EML2: variants seen among roughly 807,000 people sequenced by gnomAD.
EML2 encodes EMAP like 2.
EML2 carries 59 observed loss-of-function variants against 84.7 expected under a neutral mutation model. The observed-to-expected ratio is 0.70, with a 90% CI of 0.56 to 0.86. The LOEUF is 0.86. EML2 is among the 40% of genes least tolerant of loss of function. EML2 has a pLI of 0.00. For missense variants in EML2, 818 were observed against 855.6 expected, an observed-to-expected ratio of 0.96 and a Z score of 0.55; for synonymous variants, 352 against 348.9, an observed-to-expected ratio of 1.01 and a Z score of -0.10.
rs1483297443 is a variant in EML2 at position 45,613,635 on chromosome 19, T to C, written c.1730A>G (p.Asn577Ser). Residue 577 changes from asparagine to serine, a missense_variant, in exon 18 of 19, where the codon AAC (asparagine) becomes AGC (serine). Transcript: ENST00000245925. ...WSEGADGTDI[N>S]AVARSHDGKL... ...CCCATCATGAGAGCGGGCCACAGCG[T>C]TGATATCAGTGCCGTCCGCCCCCTC... 3.1e-6 allele frequency: 5 copies of C among 1,613,934 alleles called. No homozygotes were observed. Among genetic ancestry groups the C allele is most frequent in the South Asian group, 1.1e-5 (1 of 91,082 alleles).
At chr19:45,642,627 T>C, upstream of EML2, 1 of 945,064 alleles carries the variant, frequency 1.1e-6, no homozygotes, top group South Asian at 2.8e-5. Flanking sequence ...TTTCTAAGAG[T>C]CTGTGAACCC....
rs767214099 is a variant in EML2, at chr19:45,615,833, G to T, written c.1566C>A (p.Val522=). The change falls in exon 16 of 19, where the codon GTC becomes GTA. Residue 522 remains valine, a synonymous_variant. Coordinates refer to ENST00000245925, the MANE Select transcript of EML2 (RefSeq NM_012155.4). ...LDWAQDSSCF[V]TNSGDYEILY... is the part of the protein sequence containing the mutation. ...GAATCTCATAGTCCCCGGAGTTGGTGACAAAGCAGCTGCTGTCCTGGGCCC... is the reference window on the plus strand; with the variant it reads ...GAATCTCATAGTCCCCGGAGTTGGTTACAAAGCAGCTGCTGTCCTGGGCCC... 6.2e-7 allele frequency: 1 copy of T among 1,614,004 alleles called. No individual in the cohort carries two copies. The highest frequency in any genetic ancestry group is 1.7e-5 in the Admixed American group (1 of 59,990).
chr19:45,635,179 C>T (rs1346910510), intron 3 of EML2, among the ~76,000 whole-genome samples: 2 of 151,862 alleles, frequency 1.3e-5, no homozygotes, highest in African/African-American at 4.8e-5. Flanking sequence ...GAGTCTGTCA[C>T]CCAGGCTGGA....
rs1490493429 is a variant in EML2, at chr19:45,618,108, G to A, written c.1255-411C>T. ...AGATGGAGTTTCACTCTGTTGCCCA[G>A]GCTGGAGTGCAGTGGCACGGTCTCA... On this transcript the variant is annotated intron_variant, in intron 12 of 18. Transcript: ENST00000245925. Among the ~76,000 whole-genome samples the A allele has an allele frequency of 2.0e-5, 3 of 151,996 alleles. No individual in the cohort carries two copies. In the East Asian group the frequency reaches 5.8e-4, roughly 29 times the overall value.
chr19:45,635,458 C>T (rs2122778452), intron 3 of EML2, among the ~76,000 whole-genome samples: 1 of 151,850 alleles, frequency 6.6e-6, no homozygotes, highest in Admixed American at 6.6e-5. Context: ...TATTTTGCAT[C>T]ACACACACTG....
At chr19:45,642,198 C>T, upstream of EML2, 1 of 1,533,708 alleles carries the variant, frequency 6.5e-7, no homozygotes, top group Middle Eastern at 1.7e-4. Context: ...CGCGTAGCGC[C>T]GCTCCCTGTT....
chr19:45,630,019 C>T lies in EML2; in HGVS notation c.538G>A (p.Asp180Asn). The change falls in exon 7 of 19, where the codon GAT becomes AAT. Residue 180 changes from aspartate (D) to asparagine (N), a missense_variant. Asp to Asn is a conservative substitution (Grantham distance 23, BLOSUM62 1). Transcript: ENST00000245925. Reference sequence around the variant, plus strand: ...GAGAGCATGTGATCATTGGATTCATCCACTGCACACAGCAGGTTGCCTCCA... The same window carrying T: ...GAGAGCATGTGATCATTGGATTCATTCACTGCACACAGCAGGTTGCCTCCA... ...SNGGNLLCAV[D>N]ESNDHMLSVW... is the part of the protein sequence containing the mutation. 2 of 1,613,142 alleles carry T rather than the reference C, an allele frequency of 1.2e-6. No homozygotes were observed. Among genetic ancestry groups the T allele is most frequent in the African/African-American group, 2.7e-5 (2 of 74,942 alleles).
In EML2 at chr19:45,613,580, GC is replaced by G. The variant is rs1279570750; in HGVS notation, c.1784del (p.Gly595AlafsTer27). ...AGGGGTAGCTAAACAGGTGAACTTTGCCAAAGTCATCAGCTGAAGCCAGCAA... is the reference window on the plus strand; with the variant it reads ...AGGGGTAGCTAAACAGGTGAACTTTGCAAAGTCATCAGCTGAAGCCAGCAA... The part of the protein sequence containing the change: ...GKLLASADDF[G>X]KVHLFSYPCC... On this transcript the variant is annotated frameshift_variant, in exon 18 of 19. Transcript: ENST00000245925. LOFTEE classifies it high-confidence loss of function. 2 of 1,614,064 alleles carry G rather than the reference GC, an allele frequency of 1.2e-6. No individual in the cohort carries two copies. The highest frequency in any genetic ancestry group is 8.5e-7 in the Non-Finnish European group (1 of 1,180,002).
chr19:45,641,497 C>T (rs1411187329), upstream of EML2: 3 of 755,586 alleles, frequency 4.0e-6, no homozygotes, highest in Non-Finnish European at 4.2e-6. Flanking sequence ...CAAGATTGGT[C>T]CCTCCAAGGC....
chr19:45,625,473 C>G (rs1243854671), intron 8 of EML2, among the ~76,000 whole-genome samples: 1 of 152,200 alleles, frequency 6.6e-6, no homozygotes, highest in East Asian at 1.9e-4. Context: ...AACTCCTGGC[C>G]TCAAGTGATC....
At chr19:45,613,467 A>T in intron 18 of EML2, 74 bp downstream of exon 18, 1 of 1,565,676 alleles carries the variant, frequency 6.4e-7, no homozygotes, top group Non-Finnish European at 8.7e-7. Context: ...GTGGGGTTGG[A>T]CCAGAGCTGC....
In EML2 at chr19:45,616,942, G is replaced by A. The variant is rs1971159298; in HGVS notation, c.1323-89C>T. On this transcript the variant is annotated intron_variant, in intron 13 of 18. Transcript: ENST00000245925. Reference sequence around the variant, plus strand: ...TCTGTGGGGTCTAAGGGAGGGATCAGAGGGACCCCAGAAGTGACCTGGGCT... The same window carrying A: ...TCTGTGGGGTCTAAGGGAGGGATCAAAGGGACCCCAGAAGTGACCTGGGCT... 5.0e-6 allele frequency: 5 copies of A among 994,476 alleles called. No individual in the cohort carries two copies. In the South Asian group the frequency reaches 6.8e-5, roughly 13 times the overall value. 61.6% of individuals were successfully genotyped at this position (994,476 alleles called of 1,614,324 possible). A position where few individuals can be genotyped will look rare whatever the true frequency, so the allele number is the denominator to read the frequency against.
chr19:45,644,588 C>T (rs1974886717), upstream of EML2: 1 of 426,260 alleles, frequency 2.3e-6, no homozygotes, highest in East Asian at 7.2e-5. Context: ...CATCCCCATC[C>T]CTGTGACTCA....
chr19:45,637,470 A>ATTTTTTT (rs66503218), intron 3 of EML2, among the ~76,000 whole-genome samples: 18 of 101,632 alleles, frequency 1.8e-4, no homozygotes, highest in African/African-American at 2.8e-4. Flanking sequence ...ATTATTTTGG[A>ATTTTTTT]TTTTTTTTTT....
chr19:45,637,543 A>G (rs1246752106), intron 3 of EML2, among the ~76,000 whole-genome samples: 1 of 148,930 alleles, frequency 6.7e-6, no homozygotes, highest in African/African-American at 2.5e-5. Context: ...CAATAGCACA[A>G]TCATGGCTCA....
At chr19:45,634,874 C>T (rs550672139) in intron 3 of EML2, among the ~76,000 whole-genome samples, 4 of 148,082 alleles carry the variant, frequency 2.7e-5, no homozygotes, top group Non-Finnish European at 4.5e-5. Context: ...TTTTTTGAGA[C>T]GCAGTCTCGC....
rs760624156 is a variant in EML2, at chr19:45,633,172, C to T, written c.330-33G>A. 12 of 1,597,908 alleles carry T rather than the reference C, an allele frequency of 7.5e-6. No homozygotes were observed. In the Admixed American group the frequency reaches 1.4e-4, roughly 18 times the overall value. On this transcript the variant is annotated intron_variant, in intron 4 of 18. Coordinates refer to ENST00000245925, the MANE Select transcript of EML2 (RefSeq NM_012155.4). ...AAGAAGGGACAGAGAGACCAGGGCT[C>T]AGTGGGAGAGAAGAGGCTCACAGAG...
At chr19:45,637,054 CCT>C (rs1218372770) in intron 3 of EML2, among the ~76,000 whole-genome samples, 1 of 152,266 alleles carries the variant, frequency 6.6e-6, no homozygotes, top group Admixed American at 6.5e-5. Context: ...GTCTCAGCCA[CCT>C]CTCATCAGAT....
chr19:45,620,752 G>T (rs548773096), intron 11 of EML2: 23 of 273,068 alleles, frequency 8.4e-5, no homozygotes, highest in African/African-American at 4.4e-4. Flanking sequence ...AGTGCTTCCC[G>T]GTAGGTGAGT....
Sources: allele counts gnomAD v4.1 joint callset (sites outside exome capture counted in the v4.1 genomes callset), GRCh38; gene constraint gnomAD v4.1.1; transcripts MANE v1.5; gene names NCBI Gene and HGNC (gene_info 2026-07-23, HGNC 2026-07-21).